CYP7B1: variants seen among roughly 807,000 people sequenced by gnomAD.
The protein encoded by CYP7B1 is cytochrome P450 7B1.
Under a neutral mutation model 42.7 loss-of-function variants are expected in CYP7B1, and 29 were observed. The ratio of observed to expected loss-of-function variants is 0.68; its 90% confidence interval spans 0.51 to 0.93. The LOEUF is 0.93. CYP7B1 is among the 40% of genes least tolerant of loss of function. CYP7B1 has a pLI of 0.00. For missense variants in CYP7B1, 655 were observed against 600.5 expected (o/e 1.09, Z -0.95); for synonymous variants, 235 against 218.2 (o/e 1.08, Z -0.68).
chr8:64,789,016 G>A (rs1408084747), intron 1 of CYP7B1, among the ~76,000 whole-genome samples: 1 of 152,130 alleles, frequency 6.6e-6, no homozygotes, highest in Non-Finnish European at 1.5e-5. Context: ...TGCCTCCTGG[G>A]TTCAAATGAT....
chr8:64,624,417 G>C lies in CYP7B1; in HGVS notation c.245C>G (p.Thr82Arg). The C allele has an allele frequency of 3.7e-6, 6 of 1,613,750 alleles. No homozygotes were observed. Among genetic ancestry groups the C allele is most frequent in the Non-Finnish European group, 4.2e-6 (5 of 1,179,902 alleles). The change falls in exon 2 of 6, where the codon ACA (threonine) becomes AGA (arginine). Residue 82 changes from threonine to arginine, a missense_variant. Transcript: ENST00000310193. Reference protein sequence around the residue: ...TLQKQHGDTFTVLLGGKYITF... With the variant: ...TLQKQHGDTFRVLLGGKYITF... ...GTGCTTCTTACCACCAAGAAGAACT[G>C]TGAAAGTGTCACCATGTTGCTTTTG... is the stretch of plus-strand genomic sequence containing the variant.
intron 1 of CYP7B1, among the ~76,000 whole-genome samples, chr8:64,679,301 A>G (rs1458821030): frequency 2.0e-5 from 3 of 152,202 alleles, no homozygotes; most frequent in African/African-American, 7.2e-5. Context: ...AGGCATTTCT[A>G]TCATCACTAC....
intron 5 of CYP7B1, among the ~76,000 whole-genome samples, chr8:64,597,681 C>T (rs1805138936): frequency 6.6e-6 from 1 of 152,122 alleles, no homozygotes; most frequent in African/African-American, 2.4e-5. Flanking sequence ...GAGTGTTGGG[C>T]CTGCCATCTT....
chr8:64,788,489 T>C (rs1804564988), intron 1 of CYP7B1, among the ~76,000 whole-genome samples: 1 of 152,182 alleles, frequency 6.6e-6, no homozygotes, highest in Non-Finnish European at 1.5e-5. Context: ...CTGAGGTTCG[T>C]TGCTGTGCCT....
chr8:64,757,614 T>G (rs1273622031), intron 1 of CYP7B1, among the ~76,000 whole-genome samples: 1 of 152,206 alleles, frequency 6.6e-6, no homozygotes, highest in Non-Finnish European at 1.5e-5. Context: ...GGCCCAGTTC[T>G]TACATCAGCC....
intron 1 of CYP7B1, among the ~76,000 whole-genome samples, chr8:64,680,315 T>TCTAATATGTTCCTAATATATTA (rs1253889611): frequency 3.9e-5 from 6 of 152,276 alleles, no homozygotes; most frequent in Admixed American, 3.9e-4. Context: ...CTCTCATATT[T>TCTAATATGTTCCTAATATATTA]CTAATATGTT....
chr8:64,686,248 C>T (rs868411408), intron 1 of CYP7B1, among the ~76,000 whole-genome samples: 4 of 51,450 alleles, frequency 7.8e-5, no homozygotes, highest in East Asian at 3.8e-4. Context: ...GGCCCCCCGC[C>T]CGGCCAGCCG....
intron 1 of CYP7B1, among the ~76,000 whole-genome samples, chr8:64,682,171 G>A (rs1806548472): frequency 6.6e-6 from 1 of 152,174 alleles, no homozygotes; most frequent in Non-Finnish European, 1.5e-5. Context: ...GCACAGCTAT[G>A]CAAACTGATA....
chr8:64,725,084 C>T (rs1416339724), intron 1 of CYP7B1, among the ~76,000 whole-genome samples: 1 of 152,170 alleles, frequency 6.6e-6, no homozygotes, highest in East Asian at 1.9e-4. Flanking sequence ...TGTTGGGTTT[C>T]CCCATCAATC....
At chr8:64,685,159 C>A (rs1401893831) in intron 1 of CYP7B1, among the ~76,000 whole-genome samples, 1 of 152,118 alleles carries the variant, frequency 6.6e-6, no homozygotes, top group Admixed American at 6.5e-5. Context: ...TGCCGCCCCG[C>A]CGGCGAGCGC....
chr8:64,717,505 A>G (rs925571021), intron 1 of CYP7B1, among the ~76,000 whole-genome samples: 8 of 152,188 alleles, frequency 5.3e-5, no homozygotes, highest in African/African-American at 1.7e-4. Flanking sequence ...GTATAAAATA[A>G]CACATTTGGA....
At chr8:64,795,806 C>T (rs1373923152) in intron 1 of CYP7B1, among the ~76,000 whole-genome samples, 2 of 152,174 alleles carry the variant, frequency 1.3e-5, no homozygotes, top group Non-Finnish European at 2.9e-5. Flanking sequence ...CTGACAAGTA[C>T]TGCAATGGCA....
intron 1 of CYP7B1, among the ~76,000 whole-genome samples, chr8:64,710,048 T>C (rs919510512): frequency 2.0e-5 from 3 of 152,122 alleles, no homozygotes; most frequent in African/African-American, 7.2e-5. Context: ...CTCATTTTTC[T>C]GAGGATATTG....
At chr8:64,650,496 A>G (rs1467632833) in intron 1 of CYP7B1, among the ~76,000 whole-genome samples, 1 of 151,936 alleles carries the variant, frequency 6.6e-6, no homozygotes, top group Non-Finnish European at 1.5e-5. Flanking sequence ...AAAAATACAA[A>G]AATTAGCTGG....
At position 64,643,071 on chromosome 8, in the gene CYP7B1, A is replaced by ATGTG. The variant is rs374456738; in HGVS notation, c.123-18536_123-18533dup. Among the ~76,000 whole-genome samples, 395 of 145,838 alleles carry ATGTG rather than the reference A, an allele frequency of 2.7e-3. 7 individuals carry two copies. The highest frequency in any genetic ancestry group is 0.01 in the African/African-American group (385 of 38,392). On this transcript the variant is annotated intron_variant, in intron 1 of 5. Transcript: ENST00000310193. ...TCTCCAGAATAAAAGAATCAATAGG[A>ATGTG]TGTGTGTGTGTGTGTGTATATATAT...
rs567728577 is a variant in CYP7B1, at chr8:64,702,488, T to C, written c.123-77949A>G. Among the ~76,000 whole-genome samples, 3 of 152,226 alleles carry C rather than the reference T, an allele frequency of 2.0e-5. No homozygotes were observed. In the South Asian group the frequency reaches 6.2e-4, roughly 32 times the overall value. On this transcript the variant is annotated intron_variant, in intron 1 of 5. Coordinates refer to ENST00000310193, the MANE Select transcript of CYP7B1 (RefSeq NM_004820.5). The stretch of plus-strand genomic sequence containing the variant: ...CATCTTCAGTTCTGCTTCCTGTGAC[T>C]TCGTTGTTTATCAATTAAAGTGATA...
At chr8:64,651,341 A>T (rs1218416682) in intron 1 of CYP7B1, among the ~76,000 whole-genome samples, 1 of 152,224 alleles carries the variant, frequency 6.6e-6, no homozygotes, top group East Asian at 1.9e-4. Context: ...TGACTCAAAG[A>T]TAATGTTGGA....
chr8:64,782,143 T>C (rs1804435993), intron 1 of CYP7B1, among the ~76,000 whole-genome samples: 1 of 152,166 alleles, frequency 6.6e-6, no homozygotes, highest in East Asian at 1.9e-4. Context: ...TTGCCCACCA[T>C]GACACCACTT....
chr8:64,751,084 G>C (rs903330740), intron 1 of CYP7B1, among the ~76,000 whole-genome samples: 2 of 152,098 alleles, frequency 1.3e-5, no homozygotes, highest in African/African-American at 4.8e-5. Context: ...GTCCCTGGTT[G>C]CTTCCTGTGA....
Sources: gnomAD v4.1 joint callset for allele counts (sites outside exome capture counted in the v4.1 genomes callset) on GRCh38, gnomAD v4.1.1 for gene constraint, MANE v1.5 for transcripts, NCBI Gene and HGNC (gene_info 2026-07-23, HGNC 2026-07-21) for gene names.